Variants in ANKRD33B observed in about 807,000 individuals in gnomAD.
The protein encoded by ANKRD33B is ankyrin repeat domain-containing protein 33B.
A neutral mutation model predicts 21.5 loss-of-function variants in ANKRD33B; 6 were observed. That is an observed-to-expected ratio of 0.28 (90% CI 0.15 to 0.55). The LOEUF (loss-of-function observed/expected upper bound fraction) is 0.55, where lower values mean the gene tolerates loss of function less well. Among genes scored for constraint, ANKRD33B ranks in the 20% least tolerant of loss-of-function variants. The pLI, the probability that ANKRD33B is intolerant of heterozygous loss-of-function variation, is 0.94. For missense variants in ANKRD33B, 698 were observed against 747.2 expected (o/e 0.93, Z 0.77); for synonymous variants, 347 against 342.4 (o/e 1.01, Z -0.15).
intron 1 of ANKRD33B, among the ~76,000 whole-genome samples, chr5:10,590,601 CGCGCGCGT>C (rs370219249): frequency 0.068 from 10,235 of 150,724 alleles, 455 homozygotes; most frequent in Middle Eastern, 0.099. Flanking sequence ...CGCGCGCGCG[CGCGCGCGT>C]GTGTGTGTGT....
At chr5:10,618,019 G>A (rs554679838) in intron 1 of ANKRD33B, among the ~76,000 whole-genome samples, 47 of 152,284 alleles carry the variant, frequency 3.1e-4, no homozygotes, top group African/African-American at 1.1e-3. Context: ...GTGCTCTGTC[G>A]TTTATTTCTC....
intron 1 of ANKRD33B, among the ~76,000 whole-genome samples, chr5:10,587,903 T>G (rs899804440): frequency 3.3e-5 from 5 of 152,224 alleles, no homozygotes; most frequent in Non-Finnish European, 7.3e-5. Context: ...AATGCTCTGA[T>G]GTATGAATGT....
Position 10,647,870 on chromosome 5 carries a change from T to A in ANKRD33B, c.638-1396T>A, listed in dbSNP as rs572366923. On this transcript the variant is annotated intron_variant, in intron 3 of 3. Coordinates refer to ENST00000296657, the MANE Select transcript of ANKRD33B (RefSeq NM_001164440.2). The stretch of plus-strand genomic sequence containing the variant: ...CATTATGAAGGGTAATCTCCTTGAC[T>A]TAGAGTCAACTGATTATAGATGTTA... Among the ~76,000 whole-genome samples the A allele has an allele frequency of 2.2e-3, 330 of 152,354 alleles. 1 individual carries two copies. The highest frequency in any genetic ancestry group is 4.0e-3 in the Non-Finnish European group (269 of 68,036).
At chr5:10,597,378 C>T (rs1735841322) in intron 1 of ANKRD33B, among the ~76,000 whole-genome samples, 1 of 152,084 alleles carries the variant, frequency 6.6e-6, no homozygotes, top group South Asian at 2.1e-4. Flanking sequence ...CAGGAAAAAG[C>T]AGGGAGTGCA....
In ANKRD33B at chr5:10,625,558, A is replaced by T. The variant is rs553744286; in HGVS notation, c.496+7096A>T. On this transcript the variant is annotated intron_variant, in intron 2 of 3. Transcript: ENST00000296657. ...GGCGCTCGTAGCCCTGCCTTCCTGC[A>T]CGGGGATGTGTGGCTCATGCCCGGT... Among the ~76,000 whole-genome samples the T allele has an allele frequency of 4.0e-4, 61 of 152,346 alleles. 2 individuals carry two copies. Among genetic ancestry groups the T allele is most frequent in the Admixed American group, 1.7e-3 (26 of 15,308 alleles).
At chr5:10,611,924 T>C (rs923690650) in intron 1 of ANKRD33B, among the ~76,000 whole-genome samples, 3 of 152,158 alleles carry the variant, frequency 2.0e-5, no homozygotes, top group African/African-American at 7.2e-5. Flanking sequence ...CAGGTGGTGA[T>C]TGATATGCAC....
chr5:10,633,535 C>T (rs969245776), intron 2 of ANKRD33B, among the ~76,000 whole-genome samples: 18 of 152,352 alleles, frequency 1.2e-4, no homozygotes, highest in African/African-American at 4.1e-4. Context: ...GTCCGTGACG[C>T]GCTGAACACA....
intron 1 of ANKRD33B, among the ~76,000 whole-genome samples, chr5:10,592,000 AGTATGTAT>A (rs531684043): frequency 6.6e-6 from 1 of 151,832 alleles, no homozygotes; most frequent in Admixed American, 6.5e-5. Flanking sequence ...TTAGGATATA[AGTATGTAT>A]GTATGTATGT....
intron 2 of ANKRD33B, among the ~76,000 whole-genome samples, chr5:10,633,868 C>T (rs890064252): frequency 6.6e-6 from 1 of 152,124 alleles, no homozygotes; most frequent in African/African-American, 2.4e-5. Context: ...CCTTGGTCAC[C>T]TGGCTGAGGT....
intron 1 of ANKRD33B, among the ~76,000 whole-genome samples, chr5:10,567,040 A>G (rs1402136913): frequency 1.3e-5 from 2 of 152,148 alleles, no homozygotes; most frequent in Non-Finnish European, 2.9e-5. Flanking sequence ...CTTTGATTAC[A>G]GCAGAAGTGA....
chr5:10,606,379 ATTTC>A (rs1560971532), intron 1 of ANKRD33B, among the ~76,000 whole-genome samples: 2 of 148,520 alleles, frequency 1.3e-5, no homozygotes, highest in African/African-American at 2.6e-5. Context: ...ATAAAATGTC[ATTTC>A]TTTATTTAAA....
chr5:10,652,556 C>T lies in ANKRD33B; in HGVS notation c.*2443C>T, dbSNP rs1737384462. The stretch of plus-strand genomic sequence containing the variant: ...CACTGGGAATGGTATGGAGCCCTCA[C>T]TTCTACCCCAAGCCTGGGTGTCTGC... On this transcript the variant is annotated 3_prime_UTR_variant, in exon 4 of 4. Coordinates refer to ENST00000296657, the MANE Select transcript of ANKRD33B (RefSeq NM_001164440.2). This position sits in a 1 kb window ranked among gnomAD's most constrained non-coding sequence, Gnocchi z 4.1. The T allele has an allele frequency of 6.5e-6, 1 of 154,728 alleles. No homozygotes were observed. Among genetic ancestry groups the T allele is most frequent in the South Asian group, 2.0e-4 (1 of 5,114 alleles). 9.6% of individuals were successfully genotyped at this position (154,728 alleles called of 1,614,324 possible).
chr5:10,625,733 C>T lies in ANKRD33B; in HGVS notation c.496+7271C>T, dbSNP rs150427222. Among the ~76,000 whole-genome samples, 36 of 152,326 alleles carry T rather than the reference C, an allele frequency of 2.4e-4. 1 individual carries two copies. Among genetic ancestry groups the T allele is most frequent in the African/African-American group, 8.4e-4 (35 of 41,570 alleles). On this transcript the variant is annotated intron_variant, in intron 2 of 3. Coordinates refer to ENST00000296657, the MANE Select transcript of ANKRD33B (RefSeq NM_001164440.2). ...GAGGATATTGTGTAAAATGCATGAA[C>T]CGTGGTATACTTAACTGTCCCAGTT... is the stretch of plus-strand genomic sequence containing the variant.
chr5:10,579,979 C>T (rs534717271), intron 1 of ANKRD33B, among the ~76,000 whole-genome samples: 2 of 152,302 alleles, frequency 1.3e-5, no homozygotes, highest in South Asian at 4.1e-4. Context: ...CTTTTACCCT[C>T]TATTCCCCAC....
chr5:10,592,687 A>G (rs1208829037), intron 1 of ANKRD33B, among the ~76,000 whole-genome samples: 1 of 151,832 alleles, frequency 6.6e-6, no homozygotes, highest in Non-Finnish European at 1.5e-5. Flanking sequence ...GCTTGCAGTG[A>G]GAGACCCCAG....
chr5:10,580,774 G>A (rs565911341), intron 1 of ANKRD33B, among the ~76,000 whole-genome samples: 12 of 152,170 alleles, frequency 7.9e-5, no homozygotes, highest in African/African-American at 1.2e-4. Flanking sequence ...GCTTTGGTCC[G>A]GACTTGCCCC....
intron 1 of ANKRD33B, 40 bp from the exon 2 acceptor site, chr5:10,618,293 G>A (rs372359333): frequency 5.9e-5 from 90 of 1,535,608 alleles, no homozygotes; most frequent in Non-Finnish European, 7.1e-5. Flanking sequence ...ACCATGCTCC[G>A]ACTCTGCCCC....
chr5:10,588,276 A>T (rs991557269), intron 1 of ANKRD33B, among the ~76,000 whole-genome samples: 3 of 152,190 alleles, frequency 2.0e-5, no homozygotes, highest in Admixed American at 2.0e-4. Flanking sequence ...TTTTTTCCTT[A>T]GCACCTTCAT....
rs189223383 is a variant in ANKRD33B, at chr5:10,571,300, C to A, written c.366+6467C>A. On this transcript the variant is annotated intron_variant, in intron 1 of 3. Transcript: ENST00000296657. ...CACTGCAACCTCCACCTCCCGGGTT[C>A]AAGCGATTGTCCTGCCTCAGCCTCC... Among the ~76,000 whole-genome samples the A allele has an allele frequency of 4.6e-5, 7 of 152,334 alleles. No homozygotes were observed. The East Asian group carries it at 1.3e-3, about 29-fold the overall frequency.
Sources: gnomAD v4.1 joint callset for allele counts (sites outside exome capture counted in the v4.1 genomes callset) on GRCh38, gnomAD v4.1.1 for gene constraint, Gnocchi (gnomAD v3.1) non-coding constraint, MANE v1.5 for transcripts, NCBI Gene and HGNC (gene_info 2026-07-23, HGNC 2026-07-21) for gene names.